The following GALNT18 variants were observed in gnomAD, a reference collection of about 807,000 sequenced individuals.
The protein encoded by GALNT18 is polypeptide N-acetylgalactosaminyltransferase 18, also known as GalNAc-transferase 18.
Under a neutral mutation model 69.5 loss-of-function variants are expected in GALNT18, and 44 were observed. The observed-to-expected ratio is 0.63, with a 90% confidence interval of 0.50 to 0.81. GALNT18 has a LOEUF of 0.81. Ranked by LOEUF, GALNT18 falls within the 40% of genes least tolerant of loss-of-function variation. GALNT18 has a pLI of 0.00. For missense variants in GALNT18, 715 were observed against 810.0 expected, an observed-to-expected ratio of 0.88 and a Z score of 1.42; for synonymous variants, 364 against 318.2, an observed-to-expected ratio of 1.14 and a Z score of -1.53.
intron 1 of GALNT18, among the ~76,000 whole-genome samples, chr11:11,502,480 G>A (rs1288785132): frequency 6.6e-6 from 1 of 152,250 alleles, no homozygotes; most frequent in Non-Finnish European, 1.5e-5. Flanking sequence ...AACAGGTAGA[G>A]AGAGCCAGGA....
At chr11:11,612,144 A>T (rs1859921325) in intron 1 of GALNT18, among the ~76,000 whole-genome samples, 2 of 151,086 alleles carry the variant, frequency 1.3e-5, no homozygotes, top group Non-Finnish European at 3.0e-5. Context: ...CCTTGAACAA[A>T]CTCTAAGTCT....
intron 9 of GALNT18, among the ~76,000 whole-genome samples, chr11:11,302,269 G>A (rs1849508165): frequency 6.6e-6 from 1 of 152,168 alleles, no homozygotes; most frequent in African/African-American, 2.4e-5. Flanking sequence ...GCTTGGCCTG[G>A]AGGTGCCTTG....
intron 1 of GALNT18, among the ~76,000 whole-genome samples, chr11:11,520,623 A>G (rs1363215532): frequency 6.6e-6 from 1 of 152,166 alleles, no homozygotes; most frequent in Non-Finnish European, 1.5e-5. Context: ...GACGCTGAGT[A>G]GGGAGAGCTC....
At chr11:11,403,973 C>T (rs1391162717) in intron 3 of GALNT18, among the ~76,000 whole-genome samples, 1 of 152,226 alleles carries the variant, frequency 6.6e-6, no homozygotes, top group Non-Finnish European at 1.5e-5. Context: ...GATCCCTGTC[C>T]TCAATTCCTG....
At chr11:11,335,628 A>G (rs192968570) in intron 7 of GALNT18, among the ~76,000 whole-genome samples, 297 of 152,314 alleles carry the variant, frequency 1.9e-3, no homozygotes, top group Middle Eastern at 6.8e-3. Context: ...TTAATTCAGG[A>G]TCTCAAAATG....
Position 11,621,716 on chromosome 11 carries a change from G to A in GALNT18, c.-123C>T. On this transcript the variant is annotated 5_prime_UTR_variant, in exon 1 of 11. Transcript: ENST00000227756. The surrounding 1 kb of genome is among the most constrained non-coding windows in gnomAD (Gnocchi z 9.3). ...CTGGGCACCTCAGCACCTGAGTCCC[G>A]AGGTTCTCCAAAGCCCGGTCCGCTG... The A allele has an allele frequency of 1.4e-6, 1 of 701,602 alleles. No individual in the cohort carries two copies. The highest frequency in any genetic ancestry group is 2.4e-6 in the Non-Finnish European group (1 of 423,194). 43.5% of individuals were successfully genotyped at this position (701,602 alleles called of 1,614,324 possible).
rs1326228933 is a variant in GALNT18 at position 11,439,005 on chromosome 11, A to T, written c.429-6218T>A. Among the ~76,000 whole-genome samples the T allele has an allele frequency of 6.6e-6, 1 of 152,138 alleles. No individual in the cohort carries two copies. The highest frequency in any genetic ancestry group is 1.5e-5 in the Non-Finnish European group (1 of 68,016). ...CCAGTGACTGATTTCCTGAGCCCCA[A>T]ATAGCCATCAAAGAGCTAGCTGCAG... On this transcript the variant is annotated intron_variant, in intron 2 of 10. Transcript: ENST00000227756. This position sits in a 1 kb window ranked among gnomAD's most constrained non-coding sequence, Gnocchi z 4.4.
intron 6 of GALNT18, among the ~76,000 whole-genome samples, chr11:11,348,881 C>G (rs1056606207): frequency 5.9e-5 from 9 of 152,046 alleles, no homozygotes; most frequent in African/African-American, 2.4e-5. Context: ...TGTGATAACT[C>G]TGTGTGTGTG....
intron 3 of GALNT18, among the ~76,000 whole-genome samples, chr11:11,429,410 A>T (rs1336109116): frequency 6.6e-6 from 1 of 152,106 alleles, no homozygotes; most frequent in African/African-American, 2.4e-5. Flanking sequence ...CCTTCCAGTC[A>T]ATGGCTTTAA....
At chr11:11,607,470 G>C (rs58896909) in intron 1 of GALNT18, among the ~76,000 whole-genome samples, 5,192 of 152,220 alleles carry the variant, frequency 0.034, 308 homozygotes, top group African/African-American at 0.12. Flanking sequence ...ACTTTAAATA[G>C]ATAAGTGCTA....
At position 11,604,037 on chromosome 11, in the gene GALNT18, C is replaced by T. The variant is rs954270100; in HGVS notation, c.235+17322G>A. 2.0e-5 allele frequency among the ~76,000 whole-genome samples: 3 copies of T among 152,108 alleles called. No individual in the cohort carries two copies. The highest frequency in any genetic ancestry group is 4.8e-5 in the African/African-American group (2 of 41,430). ...CAGAAAGCTGTTTTGTCTATTCTAC[C>T]ATGTGAAACACAAAGGTGCCATCTA... On this transcript the variant is annotated intron_variant, in intron 1 of 10. Coordinates refer to ENST00000227756, the MANE Select transcript of GALNT18 (RefSeq NM_198516.3). The surrounding 1 kb of genome is among the most constrained non-coding windows in gnomAD (Gnocchi z 5.6).
At chr11:11,468,634 C>T (rs1168717790) in intron 1 of GALNT18, among the ~76,000 whole-genome samples, 1 of 152,098 alleles carries the variant, frequency 6.6e-6, no homozygotes, top group Non-Finnish European at 1.5e-5. Context: ...GGCCAGGTTG[C>T]AGGACAGAGG....
chr11:11,271,430 G>A (rs753267314), intron 10 of GALNT18, 140 bp from the exon 11 acceptor site: 6 of 803,708 alleles, frequency 7.5e-6, no homozygotes, highest in Non-Finnish European at 1.2e-5. Context: ...CCATGAAACT[G>A]CAGGCTCCCC....
At chr11:11,406,346 G>A (rs10765848) in intron 3 of GALNT18, among the ~76,000 whole-genome samples, 63,457 of 151,986 alleles carry the variant, frequency 0.42, 14,466 homozygotes, top group Middle Eastern at 0.54. Context: ...CAGCTCAGCT[G>A]TTTATTGTAC....
intron 1 of GALNT18, among the ~76,000 whole-genome samples, chr11:11,488,743 C>A (rs1179004950): frequency 6.6e-6 from 1 of 152,092 alleles, no homozygotes; most frequent in Non-Finnish European, 1.5e-5. Context: ...TTCTCCTGGG[C>A]CCTGTAAGAG....
Position 11,364,337 on chromosome 11 carries a change from G to A in GALNT18, c.1092+8178C>T, listed in dbSNP as rs986755621. Among the ~76,000 whole-genome samples the A allele has an allele frequency of 3.3e-5, 5 of 152,164 alleles. No homozygotes were observed. In the East Asian group the frequency reaches 5.8e-4, roughly 18 times the overall value. Reference sequence around the variant, plus strand: ...ACAAATGGGAACACAAGTAGACATCGTGTACCTCATGATGGAGGAACACAC... The same window carrying A: ...ACAAATGGGAACACAAGTAGACATCATGTACCTCATGATGGAGGAACACAC... On this transcript the variant is annotated intron_variant, in intron 6 of 10. Coordinates refer to ENST00000227756, the MANE Select transcript of GALNT18 (RefSeq NM_198516.3).
intron 1 of GALNT18, among the ~76,000 whole-genome samples, chr11:11,455,989 T>G (rs1855916731): frequency 6.6e-6 from 1 of 152,132 alleles, no homozygotes; most frequent in Non-Finnish European, 1.5e-5. Flanking sequence ...CTCAGGAGGT[T>G]GAGGTAGGAG....
intron 1 of GALNT18, chr11:11,570,099 G>A (rs1590107401): frequency 6.6e-6 from 1 of 152,376 alleles, no homozygotes; most frequent in Non-Finnish European, 1.5e-5. Flanking sequence ...GCGGAGCCCC[G>A]GACTGGCTGG....
At chr11:11,528,852 G>A (rs1857578066) in intron 1 of GALNT18, among the ~76,000 whole-genome samples, 1 of 152,242 alleles carries the variant, frequency 6.6e-6, no homozygotes. Flanking sequence ...TAATGCCCAA[G>A]CCTTTGGTGC....
Sources: allele counts gnomAD v4.1 joint callset (sites outside exome capture counted in the v4.1 genomes callset), GRCh38; gene constraint gnomAD v4.1.1; non-coding constraint Gnocchi (gnomAD v3.1); transcripts MANE v1.5; gene names NCBI Gene and HGNC (gene_info 2026-07-23, HGNC 2026-07-21).